Variants in SLC13A1 observed in about 807,000 individuals in gnomAD.
The protein encoded by SLC13A1 is Na(+)/sulfate cotransporter.
In SLC13A1, 65 loss-of-function variants were observed where a neutral mutation model predicts 70.0. The ratio of observed to expected loss-of-function variants is 0.93; its 90% CI spans 0.76 to 1.14. The LOEUF is 1.14. Among genes scored for constraint, SLC13A1 ranks in the 50% most tolerant of loss-of-function variants. SLC13A1 has a pLI of 0.00. For missense variants in SLC13A1, 726 were observed against 717.8 expected, an observed-to-expected ratio of 1.01 and a Z score of -0.13; for synonymous variants, 275 against 250.5, an observed-to-expected ratio of 1.10 and a Z score of -0.92.
chr7:123,198,683 C>T (rs1195905352), intron 1 of SLC13A1, among the ~76,000 whole-genome samples: 1 of 152,034 alleles, frequency 6.6e-6, no homozygotes, highest in African/African-American at 2.4e-5. Flanking sequence ...GGATCACTGG[C>T]AAAGGCTTCT....
intron 8 of SLC13A1, among the ~76,000 whole-genome samples, chr7:123,132,196 G>A (rs891795174): frequency 2.0e-5 from 3 of 152,058 alleles, no homozygotes; most frequent in Non-Finnish European, 4.4e-5. Flanking sequence ...CCACAATCTG[G>A]ATAGAATTAT....
chr7:123,120,743 T>C (rs1793349148), intron 12 of SLC13A1, among the ~76,000 whole-genome samples: 1 of 152,074 alleles, frequency 6.6e-6, no homozygotes, highest in Admixed American at 6.6e-5. Context: ...TGCTTATGAC[T>C]TTTAGGTAGA....
intron 10 of SLC13A1, among the ~76,000 whole-genome samples, chr7:123,126,564 T>G (rs1793567709): frequency 6.6e-6 from 1 of 152,132 alleles, no homozygotes; most frequent in Non-Finnish European, 1.5e-5. Context: ...TGCAACTCAG[T>G]AATATGTATA....
chr7:123,141,157 C>T (rs1462527984), intron 7 of SLC13A1, among the ~76,000 whole-genome samples: 2 of 151,734 alleles, frequency 1.3e-5, no homozygotes, highest in Admixed American at 1.3e-4. Context: ...TTCTGAATTT[C>T]TTTATTGACC....
intron 13 of SLC13A1, among the ~76,000 whole-genome samples, chr7:123,118,871 T>C (rs943599225): frequency 6.6e-6 from 1 of 152,070 alleles, no homozygotes; most frequent in Non-Finnish European, 1.5e-5. Flanking sequence ...TCACTTAAGA[T>C]CATGCTGCTT....
rs185187218 is a variant in SLC13A1 at position 123,126,395 on chromosome 7, G to C, written c.1134-720C>G. On this transcript the variant is annotated intron_variant, in intron 10 of 14. Transcript: ENST00000194130. The stretch of plus-strand genomic sequence containing the variant: ...CCAGACCATTGTAACAAATAAGACA[G>C]ATTCCCAGAAGCCTCAACAGGAAAG... Among the ~76,000 whole-genome samples the C allele has an allele frequency of 1.1e-4, 16 of 152,242 alleles. No individual in the cohort carries two copies. In the Middle Eastern group the frequency reaches 0.01, roughly 97 times the overall value.
chr7:123,198,313 G>T (rs1402901525), intron 1 of SLC13A1, among the ~76,000 whole-genome samples: 1 of 151,500 alleles, frequency 6.6e-6, no homozygotes, highest in African/African-American at 2.4e-5. Flanking sequence ...GAGTGGCAGG[G>T]TGGGAGGGAA....
intron 7 of SLC13A1, among the ~76,000 whole-genome samples, chr7:123,142,244 T>G (rs1320432207): frequency 6.6e-6 from 1 of 152,070 alleles, no homozygotes; most frequent in Non-Finnish European, 1.5e-5. Context: ...TGGGGAGCAT[T>G]GCCAAACTAC....
rs577465789 is a variant in SLC13A1 at position 123,161,997 on chromosome 7, G to C, written c.660+6377C>G. On this transcript the variant is annotated intron_variant, in intron 6 of 14. Coordinates refer to ENST00000194130, the MANE Select transcript of SLC13A1 (RefSeq NM_022444.4). ...TGAAATATTTCTTAATCAAAATACA[G>C]AAAAATCAATTTGGAGACAAACATA... 1.1e-4 allele frequency among the ~76,000 whole-genome samples: 16 copies of C among 149,078 alleles called. No individual in the cohort carries two copies. The Admixed American group carries it at 1.1e-3, about 10-fold the overall frequency.
intron 6 of SLC13A1, among the ~76,000 whole-genome samples, chr7:123,162,022 A>ATTTCT (rs1794928555): frequency 1.3e-5 from 2 of 149,180 alleles, no homozygotes; most frequent in African/African-American, 5.0e-5. Flanking sequence ...AGACAAACAT[A>ATTTCT]TTTCTTTTTT....
intron 6 of SLC13A1, among the ~76,000 whole-genome samples, chr7:123,156,360 A>G (rs982943203): frequency 6.6e-6 from 1 of 152,152 alleles, no homozygotes; most frequent in Non-Finnish European, 1.5e-5. Context: ...TTAATGGAAG[A>G]TGCAATATTT....
intron 6 of SLC13A1, among the ~76,000 whole-genome samples, chr7:123,158,333 ATTAAAT>A (rs759527630): frequency 1.3e-5 from 2 of 152,054 alleles, no homozygotes; most frequent in Admixed American, 6.6e-5. Context: ...GTTTACATAA[ATTAAAT>A]TTAAATAACA....
chr7:123,113,625 G>A lies in SLC13A1; in HGVS notation c.*1893C>T, dbSNP rs1231091033. 2.0e-5 allele frequency: 3 copies of A among 151,996 alleles called. No homozygotes were observed. Among genetic ancestry groups the A allele is most frequent in the East Asian group, 3.9e-4 (2 of 5,186 alleles). The allele number at this position is 151,996 out of a possible 1,614,324, so 9.4% of individuals were successfully genotyped here. On this transcript the variant is annotated 3_prime_UTR_variant, in exon 15 of 15. Transcript: ENST00000194130. ...TGATAAATTGAATGACTAGAAAAAA[G>A]CAGAAATGTAATAAATACTACAGAT...
At chr7:123,119,308 C>T (rs1007960836) in intron 12 of SLC13A1, 66 bp from the exon 13 acceptor site, 1 of 1,076,354 alleles carries the variant, frequency 9.3e-7, no homozygotes, top group Non-Finnish European at 1.3e-6. Flanking sequence ...ACAATAAAAT[C>T]CATAAAAAAA....
chr7:123,183,288 G>A (rs1795696571), intron 1 of SLC13A1, among the ~76,000 whole-genome samples: 1 of 152,112 alleles, frequency 6.6e-6, no homozygotes, highest in Non-Finnish European at 1.5e-5. Context: ...CAAATCAGCA[G>A]ATTTAATGTT....
At chr7:123,144,633 C>T (rs1243532868) in intron 7 of SLC13A1, among the ~76,000 whole-genome samples, 1 of 152,208 alleles carries the variant, frequency 6.6e-6, no homozygotes, top group African/African-American at 2.4e-5. Context: ...TATTACAAAA[C>T]ATCCGCAGGC....
intron 6 of SLC13A1, among the ~76,000 whole-genome samples, chr7:123,163,475 G>A (rs1420297708): frequency 6.6e-6 from 1 of 152,064 alleles, no homozygotes; most frequent in African/African-American, 2.4e-5. Flanking sequence ...ACTCTTCGAT[G>A]TGAATACTTT....
intron 7 of SLC13A1, among the ~76,000 whole-genome samples, chr7:123,141,161 A>G (rs1794123235): frequency 6.6e-6 from 1 of 151,852 alleles, no homozygotes; most frequent in Admixed American, 6.6e-5. Context: ...GAATTTCTTT[A>G]TTGACCCAGT....
chr7:123,165,494 G>A (rs1025965394), intron 6 of SLC13A1, among the ~76,000 whole-genome samples: 11 of 152,080 alleles, frequency 7.2e-5, no homozygotes, highest in Non-Finnish European at 1.3e-4. Flanking sequence ...AGCAGTGGAG[G>A]CATCTCCTAC....
Sources: gnomAD v4.1 joint callset for allele counts (sites outside exome capture counted in the v4.1 genomes callset) on GRCh38, gnomAD v4.1.1 for gene constraint, MANE v1.5 for transcripts, NCBI Gene and HGNC (gene_info 2026-07-23, HGNC 2026-07-21) for gene names.